Variants in FYCO1 observed in about 807,000 individuals in gnomAD.
FYCO1 encodes FYVE and coiled-coil domain-containing protein 1.
Under a neutral mutation model 165.1 loss-of-function variants are expected in FYCO1, and 122 were observed. The ratio of observed to expected loss-of-function variants is 0.74; its 90% confidence interval spans 0.64 to 0.86. FYCO1 has a LOEUF of 0.86. FYCO1 is among the 40% of genes least tolerant of loss of function. The probability of loss-of-function intolerance (pLI) is 0.00; values close to 1 mark genes in which losing one functional copy is unlikely to be tolerated. For missense variants in FYCO1, 1,702 were observed against 1,810.3 expected, an observed-to-expected ratio of 0.94 and a Z score of 1.09; for synonymous variants, 648 against 742.5, an observed-to-expected ratio of 0.87 and a Z score of 2.07.
chr3:45,951,974 G>C (rs192247578), intron 14 of FYCO1, among the ~76,000 whole-genome samples: 8 of 152,206 alleles, frequency 5.3e-5, no homozygotes, highest in Non-Finnish European at 1.0e-4. Context: ...GACATGGGAC[G>C]GAGAGAAGAG....
chr3:45,971,172 T>C (rs1706423935), intron 6 of FYCO1, among the ~76,000 whole-genome samples: 1 of 152,170 alleles, frequency 6.6e-6, no homozygotes, highest in African/African-American at 2.4e-5. Flanking sequence ...AGTGACAGAA[T>C]GCAACCTATT....
At chr3:45,987,369 A>G (rs1321308210) in intron 1 of FYCO1, among the ~76,000 whole-genome samples, 2 of 152,186 alleles carry the variant, frequency 1.3e-5, no homozygotes, top group Non-Finnish European at 2.9e-5. Context: ...TATAAGTTAT[A>G]TCTCACAAAA....
Position 45,968,566 on chromosome 3 carries a change from C to T in FYCO1, c.768G>A (p.Leu256=). The change falls in exon 8 of 18, where the codon CTG becomes CTA. Residue 256 remains leucine, a synonymous_variant. Transcript: ENST00000296137. ...EKQLRERMQQ[L]DRENQELRAA... is the part of the protein sequence containing the mutation. ...CCCTCAGCTCCTGGTTCTCTCTGTC[C>T]AGCTGCTGCATGCGCTCCCGTAGCT... is the stretch of plus-strand genomic sequence containing the variant. The T allele has an allele frequency of 2.5e-6, 4 of 1,613,972 alleles. No homozygotes were observed. The highest frequency in any genetic ancestry group is 3.4e-6 in the Non-Finnish European group (4 of 1,179,980).
rs1302070694 is a variant in FYCO1 at position 45,964,975 on chromosome 3, C to T, written c.3150+58G>A. On this transcript the variant is annotated intron_variant, in intron 9 of 17. Transcript: ENST00000296137. This position sits in a 1 kb window ranked among gnomAD's most constrained non-coding sequence, Gnocchi z 4.1. ...CATGCAGGGAGCCCTCTTAAATGGT[C>T]CAGTCAAAACCACACCAGATGCCCT... is the stretch of plus-strand genomic sequence containing the variant. 1 of 1,396,692 alleles carries T rather than the reference C, an allele frequency of 7.2e-7. No individual in the cohort carries two copies. Among genetic ancestry groups the T allele is most frequent in the South Asian group, 1.2e-5 (1 of 85,378 alleles). The allele number at this position is 1,396,692 out of a possible 1,614,324, so 86.5% of individuals were successfully genotyped here.
At position 45,967,549 on chromosome 3, in the gene FYCO1, C is replaced by T. The variant is rs1211861743; in HGVS notation, c.1785G>A (p.Leu595=). Residue 595 remains leucine (L), a synonymous_variant, in exon 8 of 18, where the codon CTG becomes CTA. Transcript: ENST00000296137. The part of the protein sequence containing the change: ...WGKPEEEQRG[L]QEAQLDDTKV... ...TGGTATCGTCTAACTGTGCCTCCTG[C>T]AGGCCCCTCTGCTCCTCCTCTGGCT... 6.2e-7 allele frequency: 1 copy of T among 1,613,944 alleles called. No individual in the cohort carries two copies. The highest frequency in any genetic ancestry group is 2.2e-5 in the East Asian group (1 of 44,868).
At chr3:45,936,096 T>A (rs895556252) in intron 15 of FYCO1, among the ~76,000 whole-genome samples, 1 of 152,222 alleles carries the variant, frequency 6.6e-6, no homozygotes, top group Non-Finnish European at 1.5e-5. Context: ...TTTCCTAATT[T>A]TTTACAATGA....
chr3:45,956,161 C>A (rs1705304375), intron 13 of FYCO1, among the ~76,000 whole-genome samples: 1 of 151,974 alleles, frequency 6.6e-6, no homozygotes, highest in Non-Finnish European at 1.5e-5. Context: ...CTTGATGAAA[C>A]CCTGTGTCTA....
intron 16 of FYCO1, among the ~76,000 whole-genome samples, chr3:45,928,706 G>T (rs1703440565): frequency 6.6e-6 from 1 of 152,124 alleles, no homozygotes; most frequent in South Asian, 2.1e-4. Flanking sequence ...TCATCGCCCA[G>T]GGGTCTCCTT....
intron 15 of FYCO1, among the ~76,000 whole-genome samples, chr3:45,933,867 T>G (rs909190289): frequency 6.6e-6 from 1 of 152,060 alleles, no homozygotes; most frequent in African/African-American, 2.4e-5. Context: ...TCAAAAAAAA[T>G]GCTTCAGTAA....
At chr3:45,995,058 C>A (rs1707740618) in intron 1 of FYCO1, among the ~76,000 whole-genome samples, 1 of 151,242 alleles carries the variant, frequency 6.6e-6, no homozygotes, top group Non-Finnish European at 1.5e-5. Context: ...CCCGCCCCAC[C>A]CCCGCCAGGT....
intron 16 of FYCO1, among the ~76,000 whole-genome samples, chr3:45,924,609 T>C (rs1229446706): frequency 1.3e-5 from 2 of 151,420 alleles, no homozygotes; most frequent in Non-Finnish European, 2.9e-5. Flanking sequence ...CCAGTCAACA[T>C]TTTTTTTTCC....
intron 14 of FYCO1, chr3:45,946,910 G>A (rs1175703275): frequency 6.2e-7 from 1 of 1,614,138 alleles, no homozygotes; most frequent in Non-Finnish European, 8.5e-7. Flanking sequence ...AGCAAGCCAA[G>A]AGGATGACCT....
chr3:45,948,725 A>G (rs2054866), intron 14 of FYCO1, among the ~76,000 whole-genome samples: 57,182 of 152,114 alleles, frequency 0.38, 11,707 homozygotes, highest in East Asian at 0.66. Context: ...ACAGCTAAGT[A>G]GAATGCGCAG....
chr3:45,942,546 G>C (rs1704293341), intron 14 of FYCO1, among the ~76,000 whole-genome samples: 1 of 152,204 alleles, frequency 6.6e-6, no homozygotes, highest in Admixed American at 6.5e-5. Flanking sequence ...ACCTCCACAA[G>C]AAGGCAGCTG....
chr3:45,989,407 G>C (rs1397981381), intron 1 of FYCO1, among the ~76,000 whole-genome samples: 1 of 152,202 alleles, frequency 6.6e-6, no homozygotes, highest in Non-Finnish European at 1.5e-5. Flanking sequence ...AGGCCTGGAG[G>C]TCCTGCTGGC....
intron 14 of FYCO1, among the ~76,000 whole-genome samples, chr3:45,939,620 G>A (rs1704101071): frequency 1.3e-5 from 2 of 152,256 alleles, no homozygotes; most frequent in Middle Eastern, 3.4e-3. Context: ...TATGGCCCAA[G>A]GTGCCTTGCT....
At chr3:45,939,708 T>G (rs996267673) in intron 14 of FYCO1, among the ~76,000 whole-genome samples, 1 of 152,164 alleles carries the variant, frequency 6.6e-6, no homozygotes, top group Non-Finnish European at 1.5e-5. Context: ...TTTTCCTGAT[T>G]ACACAGGCTC....
At chr3:45,984,803 C>T (rs1036611860) in intron 2 of FYCO1, 53 bp downstream of exon 2, 1 of 1,588,556 alleles carries the variant, frequency 6.3e-7, no homozygotes, top group Non-Finnish European at 8.6e-7. Flanking sequence ...AGCAAAAAGC[C>T]CTGCCACAAG....
At position 45,964,266 on chromosome 3, in the gene FYCO1, T is replaced by C. The variant is rs112281995; in HGVS notation, c.3269+70A>G. 2 of 1,213,824 alleles carry C rather than the reference T, an allele frequency of 1.6e-6. No homozygotes were observed. The highest frequency in any genetic ancestry group is 3.0e-5 in the African/African-American group (2 of 67,308). 75.2% of individuals were successfully genotyped at this position (1,213,824 alleles called of 1,614,324 possible). A position where few individuals can be genotyped will look rare whatever the true frequency, so the allele number is the denominator to read the frequency against. On this transcript the variant is annotated intron_variant, in intron 10 of 17. Transcript: ENST00000296137. This position sits in a 1 kb window ranked among gnomAD's most constrained non-coding sequence, Gnocchi z 4.1. ...TAAACCTAATATGAGTGACTGACTTTCTAAATGACGAGACCAAACACTCCT... is the reference window on the plus strand; with the variant it reads ...TAAACCTAATATGAGTGACTGACTTCCTAAATGACGAGACCAAACACTCCT...
Sources: allele counts gnomAD v4.1 joint callset (sites outside exome capture counted in the v4.1 genomes callset), GRCh38; gene constraint gnomAD v4.1.1; non-coding constraint Gnocchi (gnomAD v3.1); transcripts MANE v1.5; gene names NCBI Gene and HGNC (gene_info 2026-07-23, HGNC 2026-07-21).